Variants in LRRC61 observed in about 807,000 individuals in gnomAD.
The protein encoded by LRRC61 is leucine-rich repeat-containing protein 61.
LRRC61 carries 9 observed loss-of-function variants against 15.1 expected under a neutral mutation model. The ratio of observed to expected loss-of-function variants is 0.60; its 90% CI spans 0.36 to 1.04. LRRC61 has a LOEUF of 1.04. Among genes scored for constraint, LRRC61 ranks in the 50% least tolerant of loss-of-function variants. LRRC61 has a pLI of 0.01. For missense variants in LRRC61, 344 were observed against 335.6 expected (o/e 1.03, Z -0.20); for synonymous variants, 173 against 158.6 (o/e 1.09, Z -0.68).
rs1037164209 is a variant in LRRC61, at chr7:150,336,349, A to G, written c.-144-369A>G. On this transcript the variant is annotated intron_variant, in intron 2 of 2. Transcript: ENST00000359623. ...TGGTGATGGTGGTTACCTATTGCCT[A>G]TTCAAAAATAACGGTTTAAAAAACA... Among the ~76,000 whole-genome samples, 4 of 152,262 alleles carry G rather than the reference A, an allele frequency of 2.6e-5. No individual in the cohort carries two copies. The East Asian group carries it at 7.7e-4, about 29-fold the overall frequency.
the LRRC61 span, among the ~76,000 whole-genome samples, chr7:150,310,399 T>C: frequency 6.6e-6 from 1 of 152,174 alleles, no homozygotes; most frequent in Non-Finnish European, 1.5e-5. Flanking sequence ...TGTTACAGCA[T>C]GGCCTTTTAA....
chr7:150,331,353 C>T (rs1322060956), intron 2 of LRRC61: 6 of 474,884 alleles, frequency 1.3e-5, no homozygotes, highest in Admixed American at 1.1e-4. Flanking sequence ...CCCGTGAACT[C>T]CTAGAGAGCC....
At chr7:150,323,831 C>G (rs1797820841) in intron 1 of LRRC61, 1 of 386,526 alleles carries the variant, frequency 2.6e-6, no homozygotes, top group Non-Finnish European at 5.2e-6. Context: ...ACGAGGAAAC[C>G]GAGGCGTGTG....
chr7:150,330,059 C>T lies in LRRC61; in HGVS notation c.-145+4049C>T. 1 of 262,986 alleles carries T rather than the reference C, an allele frequency of 3.8e-6. No homozygotes were observed. Among genetic ancestry groups the T allele is most frequent in the East Asian group, 9.3e-5 (1 of 10,728 alleles). 16.3% of individuals were successfully genotyped at this position (262,986 alleles called of 1,614,324 possible). A position where few individuals can be genotyped will look rare whatever the true frequency, so the allele number is the denominator to read the frequency against. ...GCTGTTCCCCCATCCCTTGTTTCGCCCACTGCCTCGACTCCCTGGTGAGAA... is the reference window on the plus strand; with the variant it reads ...GCTGTTCCCCCATCCCTTGTTTCGCTCACTGCCTCGACTCCCTGGTGAGAA... On this transcript the variant is annotated intron_variant, in intron 2 of 2. Transcript: ENST00000359623. This position sits in a 1 kb window ranked among gnomAD's most constrained non-coding sequence, Gnocchi z 4.6.
chr7:150,321,635 G>C (rs1322337727), upstream of LRRC61, among the ~76,000 whole-genome samples: 1 of 152,166 alleles, frequency 6.6e-6, no homozygotes, highest in Non-Finnish European at 1.5e-5. Context: ...AGCTACTTGG[G>C]AGACTGAGGC....
In LRRC61 at chr7:150,330,749, C is replaced by T. The variant is rs139910953; in HGVS notation, c.-145+4739C>T. On this transcript the variant is annotated intron_variant, in intron 2 of 2. Coordinates refer to ENST00000359623, the MANE Select transcript of LRRC61 (RefSeq NM_001142928.2). This position sits in a 1 kb window ranked among gnomAD's most constrained non-coding sequence, Gnocchi z 4.6. Reference sequence around the variant, plus strand: ...TGAAGGAGATTAGAGTGTCTGAATACTCTTTGAACTCCCCAAGTCCCCTGC... The same window carrying T: ...TGAAGGAGATTAGAGTGTCTGAATATTCTTTGAACTCCCCAAGTCCCCTGC... 1,229 of 1,611,664 alleles carry T rather than the reference C, an allele frequency of 7.6e-4. 11 individuals carry two copies. In the African/African-American group the frequency reaches 0.015, roughly 19 times the overall value.
intron 2 of LRRC61, chr7:150,332,036 C>T (rs1171908082): frequency 3.0e-5 from 5 of 167,110 alleles, no homozygotes; most frequent in Non-Finnish European, 7.3e-5. Context: ...TTTCTTCCTC[C>T]AGTGACAGCA....
Position 150,337,207 on chromosome 7 carries a change from C to G in LRRC61, c.346C>G (p.Gln116Glu). The G allele has an allele frequency of 6.2e-7, 1 of 1,606,082 alleles. No homozygotes were observed. Among genetic ancestry groups the G allele is most frequent in the Non-Finnish European group, 8.5e-7 (1 of 1,179,888 alleles). Reference protein sequence around the residue: ...GNLLATPGQLQCLAGLPCLEY... With the variant: ...GNLLATPGQLECLAGLPCLEY... ...CCTACTGGCCACCCCGGGCCAGCTG[C>G]AGTGTCTGGCTGGGCTACCGTGCCT... The change falls in exon 3 of 3, where the codon CAG becomes GAG. Residue 116 changes from glutamine to glutamate, a missense_variant. Physicochemically the swap from Gln to Glu is conservative, Grantham distance 29. Transcript: ENST00000359623.
chr7:150,318,016 C>A, the LRRC61 span, among the ~76,000 whole-genome samples: 1 of 152,172 alleles, frequency 6.6e-6, no homozygotes, highest in East Asian at 1.9e-4. Flanking sequence ...GGGGAGGTTG[C>A]AAGAAAATGG....
At chr7:150,313,950 T>A in the LRRC61 span, among the ~76,000 whole-genome samples, 3 of 152,112 alleles carry the variant, frequency 2.0e-5, no homozygotes, top group Non-Finnish European at 4.4e-5. Context: ...CCTGGGTAAG[T>A]GTTAGTGGCA....
At position 150,336,940 on chromosome 7, in the gene LRRC61, G is replaced by A. The variant is rs1798315742; in HGVS notation, c.79G>A (p.Glu27Lys). Residue 27 changes from glutamate to lysine, a missense_variant, in exon 3 of 3, where the codon GAG (glutamate) becomes AAG (lysine). Glu to Lys is a moderately conservative substitution (Grantham distance 56). Transcript: ENST00000359623. ...CCAGCTGCTGAAGTCACGCACAGGC[G>A]AGTTCTCCCTGGAGTCCATCCTGCT... ...TPQLLKSRTG[E>K]FSLESILLLK... 6.2e-7 allele frequency: 1 copy of A among 1,613,784 alleles called. No homozygotes were observed. Among genetic ancestry groups the A allele is most frequent in the Non-Finnish European group, 8.5e-7 (1 of 1,180,040 alleles).
chr7:150,326,709 AGG>A (rs1797970979), intron 2 of LRRC61, among the ~76,000 whole-genome samples: 1 of 144,392 alleles, frequency 6.9e-6, no homozygotes. Flanking sequence ...AATACTTTGG[AGG>A]GTGACCCCGT....
rs1011033940 is a variant in LRRC61 at position 150,338,088 on chromosome 7, C to T, written c.*447C>T. 44 of 501,698 alleles carry T rather than the reference C, an allele frequency of 8.8e-5. No individual in the cohort carries two copies. The highest frequency in any genetic ancestry group is 8.3e-4 in the South Asian group (42 of 50,820). The allele number at this position is 501,698 out of a possible 1,614,324, so 31.1% of individuals were successfully genotyped here. On this transcript the variant is annotated 3_prime_UTR_variant, in exon 3 of 3. Coordinates refer to ENST00000359623, the MANE Select transcript of LRRC61 (RefSeq NM_001142928.2). ...CTCCAGACTGCTCCTGCACTTACCC[C>T]CTCCCCGCAGCACCTTCTCTGCCCG...
chr7:150,336,780 C>G lies in LRRC61; in HGVS notation c.-82C>G. 1 of 1,523,982 alleles carries G rather than the reference C, an allele frequency of 6.6e-7. No individual in the cohort carries two copies. The highest frequency in any genetic ancestry group is 8.8e-7 in the Non-Finnish European group (1 of 1,135,626). The allele number at this position is 1,523,982 out of a possible 1,614,324, so 94.4% of individuals were successfully genotyped here. On this transcript the variant is annotated 5_prime_UTR_variant, in exon 3 of 3. Transcript: ENST00000359623. ...CTCCTGGCACTGGCCTGGGTAGAGC[C>G]AGGGCGAGCACCAGCTGACCCCCAG...
chr7:150,325,776 G>C (rs1322104785), intron 1 of LRRC61, 65 bp from the exon 2 acceptor site: 1 of 152,434 alleles, frequency 6.6e-6, no homozygotes. Context: ...CTGGCCACAA[G>C]TAACTTCTTA....
At chr7:150,312,590 A>G in the LRRC61 span, among the ~76,000 whole-genome samples, 41,876 of 152,024 alleles carry the variant, frequency 0.28, 5,934 homozygotes, top group East Asian at 0.43. Flanking sequence ...TCCAAACTCA[A>G]AAATATGCTA....
chr7:150,313,557 C>CG, the LRRC61 span, among the ~76,000 whole-genome samples: 1 of 152,118 alleles, frequency 6.6e-6, no homozygotes, highest in Non-Finnish European at 1.5e-5. Context: ...ATGTTAATTC[C>CG]GGTTAGCTCT....
In LRRC61 at chr7:150,337,066, G is replaced by A. The variant is rs771671247; in HGVS notation, c.205G>A (p.Gly69Ser). 6.2e-6 allele frequency: 10 copies of A among 1,612,972 alleles called. No homozygotes were observed. Among genetic ancestry groups the A allele is most frequent in the Non-Finnish European group, 7.6e-6 (9 of 1,179,864 alleles). ...ATCAGGCAACGCGCTCACCCACCTG[G>A]GCCCGCTGGCCTCCTTGCGCCAGCT... ...DLSGNALTHL[G>S]PLASLRQLAV... The change falls in exon 3 of 3, where the codon GGC becomes AGC. Residue 69 changes from glycine to serine, a missense_variant. Transcript: ENST00000359623.
intron 1 of LRRC61, 21 bp downstream of exon 1, chr7:150,323,581 C>G (rs1335329291): frequency 4.5e-6 from 2 of 446,668 alleles, no homozygotes; most frequent in Non-Finnish European, 9.0e-6. Context: ...ACTGGGCCGC[C>G]GAGGTTCAGG....
Sources: gnomAD v4.1 joint callset for allele counts (sites outside exome capture counted in the v4.1 genomes callset) on GRCh38, gnomAD v4.1.1 for gene constraint, Gnocchi (gnomAD v3.1) non-coding constraint, MANE v1.5 for transcripts, NCBI Gene and HGNC (gene_info 2026-07-23, HGNC 2026-07-21) for gene names.